The following KANK1 variants were observed in gnomAD, a reference collection of about 807,000 sequenced individuals.
KANK1 encodes KN motif and ankyrin repeat domains 1, also known as KN motif and ankyrin repeat domain-containing protein 1.
In KANK1, 109 loss-of-function variants were observed where a neutral mutation model predicts 106.2. That is an observed-to-expected ratio of 1.03 (90% CI 0.88 to 1.20). The LOEUF is 1.20. KANK1 is among the 50% of genes most tolerant of loss of function. The probability of loss-of-function intolerance (pLI) is 0.00; values close to 1 mark genes in which losing one functional copy is unlikely to be tolerated. For missense variants in KANK1, 2,399 were observed against 1,710.7 expected (o/e 1.40, Z -7.10); for synonymous variants, 873 against 652.2 (o/e 1.34, Z -5.16).
At chr9:560,431 A>G (rs1489000019) in intron 1 of KANK1, among the ~76,000 whole-genome samples, 1 of 152,182 alleles carries the variant, frequency 6.6e-6, no homozygotes. Flanking sequence ...AAGGAAGAGG[A>G]AAGTTTATAC....
chr9:501,640 AC>A (rs941202757), upstream of KANK1, among the ~76,000 whole-genome samples: 4 of 150,124 alleles, frequency 2.7e-5, no homozygotes, highest in East Asian at 2.0e-4. Flanking sequence ...ACACACACAC[AC>A]CCCAATTGCT....
rs1318195726 is a variant in KANK1, at chr9:644,169, C to T, written c.-83-32721C>T. The stretch of plus-strand genomic sequence containing the variant: ...TCGCCAGTCTTCTTAATCTCTATAA[C>T]AGAGGAAGCAGAAGTAGAGCAGATC... On this transcript the variant is annotated intron_variant, in intron 1 of 11. Transcript: ENST00000382297. Among the ~76,000 whole-genome samples the T allele has an allele frequency of 4.0e-5, 6 of 150,910 alleles. 1 individual carries two copies. Among genetic ancestry groups the T allele is most frequent in the African/African-American group, 1.2e-4 (5 of 40,248 alleles).
chr9:475,435 C>G (rs747931162), intron 3 of KANK1, among the ~76,000 whole-genome samples: 3 of 151,682 alleles, frequency 2.0e-5, no homozygotes, highest in Non-Finnish European at 2.9e-5. Flanking sequence ...ACAAGGTGCC[C>G]ACTCGGCCCT....
At chr9:572,150 A>ATTT (rs35843652) in intron 1 of KANK1, among the ~76,000 whole-genome samples, 4,416 of 111,192 alleles carry the variant, frequency 0.04, 186 homozygotes, top group East Asian at 0.093. Flanking sequence ...ATAAACAGTG[A>ATTT]TTTTTTTTTT....
chr9:700,995 T>C (rs1822516804), intron 2 of KANK1, among the ~76,000 whole-genome samples: 1 of 152,182 alleles, frequency 6.6e-6, no homozygotes, highest in Non-Finnish European at 1.5e-5. Context: ...AAAGAATGGC[T>C]CATTGTGGTA....
chr9:730,567 C>T (rs1831954376), intron 4 of KANK1: 2 of 340,024 alleles, frequency 5.9e-6, no homozygotes, highest in Non-Finnish European at 1.1e-5. Flanking sequence ...GTGGTGCACA[C>T]CTGTAGTCCC....
chr9:554,450 C>G (rs2061462710), intron 1 of KANK1, among the ~76,000 whole-genome samples: 1 of 152,206 alleles, frequency 6.6e-6, no homozygotes, highest in South Asian at 2.1e-4. Context: ...CGGTCTTAAC[C>G]CTTTTCCCAC....
intron 1 of KANK1, among the ~76,000 whole-genome samples, chr9:543,643 C>G (rs1311073132): frequency 6.6e-6 from 1 of 151,794 alleles, no homozygotes; most frequent in East Asian, 1.9e-4. Context: ...GAAGTCAGTA[C>G]AGATCTCAAT....
intron 1 of KANK1, among the ~76,000 whole-genome samples, chr9:535,544 T>A (rs1045420387): frequency 6.6e-6 from 1 of 152,154 alleles, no homozygotes; most frequent in South Asian, 2.1e-4. Context: ...CTGCCCCAGG[T>A]CACAGGGCTA....
intron 1 of KANK1, among the ~76,000 whole-genome samples, chr9:528,819 G>T (rs559199538): frequency 1.3e-5 from 2 of 150,122 alleles, no homozygotes; most frequent in South Asian, 4.2e-4. Flanking sequence ...TTTTTTCTTT[G>T]AGGCAGGATC....
At chr9:731,313 T>C in intron 5 of KANK1, 47 bp downstream of exon 5, 1 of 1,136,844 alleles carries the variant, frequency 8.8e-7, no homozygotes, top group Non-Finnish European at 1.3e-6. Flanking sequence ...CAGTCTCCTT[T>C]ACCTCCTGCC....
intron 1 of KANK1, among the ~76,000 whole-genome samples, chr9:632,351 G>A (rs1835939405): frequency 6.6e-6 from 1 of 152,136 alleles, no homozygotes; most frequent in African/African-American, 2.4e-5. Flanking sequence ...AGGGCTCTAA[G>A]AGAAGAGGTT....
At chr9:567,182 C>T (rs946449337) in intron 1 of KANK1, among the ~76,000 whole-genome samples, 4 of 152,078 alleles carry the variant, frequency 2.6e-5, no homozygotes, top group African/African-American at 9.7e-5. Context: ...TGGGTTCTCT[C>T]GTCTGTTCCC....
intron 1 of KANK1, among the ~76,000 whole-genome samples, chr9:634,163 G>T (rs1459833838): frequency 1.3e-5 from 2 of 152,206 alleles, no homozygotes; most frequent in African/African-American, 4.8e-5. Context: ...TGTGGAAAAT[G>T]GAGTTATTAT....
chr9:704,955 G>A (rs7020493), intron 2 of KANK1, among the ~76,000 whole-genome samples: 1 of 141,040 alleles, frequency 7.1e-6, no homozygotes, highest in African/African-American at 2.7e-5. Context: ...ATCGCACCAC[G>A]TCACTCCAGC....
chr9:725,391 G>T (rs10976079), intron 3 of KANK1, among the ~76,000 whole-genome samples: 58,806 of 151,404 alleles, frequency 0.39, 14,059 homozygotes, highest in South Asian at 0.64. Flanking sequence ...TACTTGGGAG[G>T]CTGAGGCAGG....
chr9:711,702 C>A lies in KANK1; in HGVS notation c.936C>A (p.Ser312=). Residue 312 remains serine, a synonymous_variant, in exon 3 of 12, where the codon TCC becomes TCA. Transcript: ENST00000382297. ...VSQLKNQRAA[S]QINVCGVRKR... ...AGCTGAAAAACCAAAGGGCTGCATC[C>A]CAGATCAATGTCTGTGGTGTGAGGA... 1 of 1,614,182 alleles carries A rather than the reference C, an allele frequency of 6.2e-7. No homozygotes were observed. Among genetic ancestry groups the A allele is most frequent in the South Asian group, 1.1e-5 (1 of 91,080 alleles).
At chr9:683,360 G>C (rs1563981739) in intron 2 of KANK1, among the ~76,000 whole-genome samples, 1 of 152,160 alleles carries the variant, frequency 6.6e-6, no homozygotes, top group Non-Finnish European at 1.5e-5. Context: ...CACATAGGTA[G>C]GAGCCTGACA....
chr9:484,612 G>A (rs1290017539), intron 3 of KANK1: 1 of 152,222 alleles, frequency 6.6e-6, no homozygotes. Flanking sequence ...AAACAAGTTT[G>A]AGAGAGATAA....
Sources: allele counts gnomAD v4.1 joint callset (sites outside exome capture counted in the v4.1 genomes callset), GRCh38; gene constraint gnomAD v4.1.1; transcripts MANE v1.5; gene names NCBI Gene and HGNC (gene_info 2026-07-23, HGNC 2026-07-21).